TRPC4: variants seen among roughly 807,000 people sequenced by gnomAD.
TRPC4 encodes the protein transient receptor potential cation channel subfamily C member 4, also known as short transient receptor potential channel 4.
TRPC4 carries 49 observed loss-of-function variants against 99.4 expected under a neutral mutation model. The observed-to-expected ratio is 0.49, with a 90% CI of 0.39 to 0.63. The LOEUF is 0.63. Among genes scored for constraint, TRPC4 ranks in the 20% least tolerant of loss-of-function variants. TRPC4 has a pLI of 0.00. For synonymous variants in TRPC4, 454 were observed against 425.9 expected, an observed-to-expected ratio of 1.07 and a Z score of -0.81; for missense variants, 898 against 1,152.9, an observed-to-expected ratio of 0.78 and a Z score of 3.20.
At chr13:37,761,887 A>T (rs115228739) in intron 2 of TRPC4, among the ~76,000 whole-genome samples, 6,390 of 151,418 alleles carry the variant, frequency 0.042, 462 homozygotes, top group African/African-American at 0.15. Context: ...TTTAGAATGC[A>T]TGCTTTTTGT....
At chr13:37,771,465 C>A (rs1481523486) in intron 2 of TRPC4, among the ~76,000 whole-genome samples, 1 of 151,448 alleles carries the variant, frequency 6.6e-6, no homozygotes, top group Non-Finnish European at 1.5e-5. Context: ...TCCAGATAAC[C>A]TTTAGAATCT....
At chr13:37,803,051 A>G (rs1957444325) in intron 1 of TRPC4, among the ~76,000 whole-genome samples, 1 of 151,962 alleles carries the variant, frequency 6.6e-6, no homozygotes, top group Non-Finnish European at 1.5e-5. Flanking sequence ...ATAACCTGAT[A>G]CTATTATTGT....
chr13:37,665,579 A>G (rs991456381), intron 5 of TRPC4, among the ~76,000 whole-genome samples: 1 of 152,152 alleles, frequency 6.6e-6, no homozygotes, highest in African/African-American at 2.4e-5. Flanking sequence ...ATGCTCTAAG[A>G]GATTAACACA....
intron 2 of TRPC4, among the ~76,000 whole-genome samples, chr13:37,755,653 C>G (rs1956078757): frequency 6.6e-6 from 1 of 152,026 alleles, no homozygotes; most frequent in Admixed American, 6.6e-5. Flanking sequence ...CCTCCTACCT[C>G]AGCCTCCCAA....
intron 4 of TRPC4, 100 bp downstream of exon 4, chr13:37,691,898 TA>T: frequency 8.5e-7 from 1 of 1,175,364 alleles, no homozygotes; most frequent in Non-Finnish European, 1.2e-6. Context: ...GAACCTATTC[TA>T]AACATTCCTA....
chr13:37,636,775 A>ACATGTTCACCTG lies in TRPC4; in HGVS notation c.*127_*128insCAGGTGAACATG. The ACATGTTCACCTG allele has an allele frequency of 7.7e-7, 1 of 1,306,006 alleles. No individual in the cohort carries two copies. Among genetic ancestry groups the ACATGTTCACCTG allele is most frequent in the Non-Finnish European group, 1.0e-6 (1 of 979,424 alleles). 80.9% of individuals were successfully genotyped at this position (1,306,006 alleles called of 1,614,324 possible). A position where few individuals can be genotyped will look rare whatever the true frequency, so the allele number is the denominator to read the frequency against. Reference sequence around the variant, plus strand: ...GCCTTATTTAAACATGTTACAGGTAATATGCCACAGCTGATAAACGCTATA... The same window carrying ACATGTTCACCTG: ...GCCTTATTTAAACATGTTACAGGTAACATGTTCACCTGTATGCCACAGCTGATAAACGCTATA... On this transcript the variant is annotated 3_prime_UTR_variant, in exon 11 of 11. Coordinates refer to ENST00000379705, the MANE Select transcript of TRPC4 (RefSeq NM_016179.4).
intron 3 of TRPC4, among the ~76,000 whole-genome samples, chr13:37,708,300 C>T (rs939164979): frequency 1.3e-5 from 2 of 152,056 alleles, no homozygotes; most frequent in Non-Finnish European, 1.5e-5. Context: ...GCAAGCAGAA[C>T]CTATCTGCTT....
At chr13:37,666,493 T>C (rs919957976) in intron 5 of TRPC4, among the ~76,000 whole-genome samples, 1 of 152,252 alleles carries the variant, frequency 6.6e-6, no homozygotes, top group Non-Finnish European at 1.5e-5. Flanking sequence ...TAAATTTTGC[T>C]GAATTTTTAT....
chr13:37,669,972 A>C (rs1233209781), intron 5 of TRPC4, among the ~76,000 whole-genome samples: 11 of 152,140 alleles, frequency 7.2e-5, no homozygotes, highest in Admixed American at 7.2e-4. Flanking sequence ...AATTAGGTTT[A>C]TATGAGGTCA....
At chr13:37,687,668 T>C (rs529620022) in intron 4 of TRPC4, among the ~76,000 whole-genome samples, 18 of 152,300 alleles carry the variant, frequency 1.2e-4, no homozygotes, top group African/African-American at 4.3e-4. Context: ...ATATTCCCAG[T>C]ATATTAAAAA....
At chr13:37,716,624 G>T (rs978137404) in intron 3 of TRPC4, among the ~76,000 whole-genome samples, 2 of 151,978 alleles carry the variant, frequency 1.3e-5, no homozygotes, top group Non-Finnish European at 2.9e-5. Flanking sequence ...GGGAGGGGAG[G>T]TCATTCTGAG....
intron 1 of TRPC4, among the ~76,000 whole-genome samples, chr13:37,855,296 GAT>G (rs139637183): frequency 1.5e-4 from 21 of 140,310 alleles, no homozygotes; most frequent in South Asian, 4.5e-4. Context: ...ATACAATGTA[GAT>G]ATATATATAT....
intron 1 of TRPC4, among the ~76,000 whole-genome samples, chr13:37,823,996 T>A (rs1185934188): frequency 7.3e-6 from 1 of 137,438 alleles, no homozygotes; most frequent in Non-Finnish European, 1.6e-5. Flanking sequence ...ACATCGTTTG[T>A]AAGTTGGATT....
At chr13:37,655,974 T>A (rs1048492103) in intron 6 of TRPC4, among the ~76,000 whole-genome samples, 1 of 152,160 alleles carries the variant, frequency 6.6e-6, no homozygotes, top group Admixed American at 6.5e-5. Context: ...CAGATTTCTA[T>A]GTTTACAACT....
intron 3 of TRPC4, among the ~76,000 whole-genome samples, chr13:37,709,043 A>G (rs1161646038): frequency 5.9e-5 from 9 of 151,974 alleles, no homozygotes; most frequent in African/African-American, 2.2e-4. Context: ...GGAAATATCC[A>G]CCTCTAACTG....
At chr13:37,666,919 C>T (rs1010303368) in intron 5 of TRPC4, among the ~76,000 whole-genome samples, 6 of 138,502 alleles carry the variant, frequency 4.3e-5, no homozygotes, top group Non-Finnish European at 6.4e-5. Context: ...AACTATACAT[C>T]TCCAGCTGAG....
chr13:37,809,082 C>A (rs193022030), intron 1 of TRPC4, among the ~76,000 whole-genome samples: 183 of 152,126 alleles, frequency 1.2e-3, no homozygotes, highest in African/African-American at 4.1e-3. Flanking sequence ...TAATAGGAAT[C>A]TTTGGCAAAA....
chr13:37,866,621 T>A (rs1959762419), intron 1 of TRPC4, among the ~76,000 whole-genome samples: 1 of 151,752 alleles, frequency 6.6e-6, no homozygotes, highest in South Asian at 2.1e-4. Context: ...AAAAATTAGG[T>A]CTATATTTGT....
intron 2 of TRPC4, among the ~76,000 whole-genome samples, chr13:37,752,246 A>C (rs1955955118): frequency 6.6e-6 from 1 of 151,528 alleles, no homozygotes; most frequent in Admixed American, 6.6e-5. Flanking sequence ...AGAAGCGAAT[A>C]ATTGACATAC....
Sources: gnomAD v4.1 joint callset for allele counts (sites outside exome capture counted in the v4.1 genomes callset) on GRCh38, gnomAD v4.1.1 for gene constraint, MANE v1.5 for transcripts, NCBI Gene and HGNC (gene_info 2026-07-23, HGNC 2026-07-21) for gene names.